The following CABYR variants were observed in gnomAD, a reference collection of about 807,000 sequenced individuals.
CABYR encodes the protein calcium binding tyrosine phosphorylation regulated.
A neutral mutation model predicts 36.1 loss-of-function variants in CABYR; 31 were observed. The ratio of observed to expected loss-of-function variants is 0.86; its 90% CI spans 0.64 to 1.16. CABYR has a LOEUF of 1.16. Ranked by LOEUF, CABYR falls within the 50% of genes most tolerant of loss-of-function variation. The probability of loss-of-function intolerance (pLI) is 0.00; values close to 1 mark genes in which losing one functional copy is unlikely to be tolerated. For missense variants in CABYR, 429 were observed against 455.8 expected (o/e 0.94, Z 0.53); for synonymous variants, 146 against 160.7 (o/e 0.91, Z 0.69).
Position 24,148,565 on chromosome 18 carries a change from T to C in CABYR, c.199+5152T>C, listed in dbSNP as rs1599379536. On this transcript the variant is annotated intron_variant, in intron 3 of 5. Coordinates refer to ENST00000399496, the MANE Select transcript of CABYR (RefSeq NM_153769.3). ...GGAATTGGTGGGTTCTTGGTCTCAC[T>C]GACTTTAAGAATGAAGCCGCGGACC... 3 of 160,464 alleles carry C rather than the reference T, an allele frequency of 1.9e-5. No homozygotes were observed. In the East Asian group the frequency reaches 5.4e-4, roughly 29 times the overall value. The allele number at this position is 160,464 out of a possible 1,614,324, so 9.9% of individuals were successfully genotyped here. A position where few individuals can be genotyped will look rare whatever the true frequency, so the allele number is the denominator to read the frequency against.
At chr18:24,160,140 C>A in intron 5 of CABYR, 71 bp downstream of exon 5, 1 of 1,056,452 alleles carries the variant, frequency 9.5e-7, no homozygotes, top group Non-Finnish European at 1.4e-6. Flanking sequence ...GATTTCTTGA[C>A]CTGGAGATTT....
At position 24,159,459 on chromosome 18, in the gene CABYR, T is replaced by C; in HGVS notation, c.542-13T>C. On this transcript the variant is annotated splice_polypyrimidine_tract_variant and intron_variant, in intron 4 of 5. Coordinates refer to ENST00000399496, the MANE Select transcript of CABYR (RefSeq NM_153769.3). ...GACCAAAACTTTAATTCCTGCAAAATTTTTTTTTATAGCAATGGCAACAAG... is the reference window on the plus strand; with the variant it reads ...GACCAAAACTTTAATTCCTGCAAAACTTTTTTTTATAGCAATGGCAACAAG... 1 of 1,538,804 alleles carries C rather than the reference T, an allele frequency of 6.5e-7. No homozygotes were observed. Among genetic ancestry groups the C allele is most frequent in the Admixed American group, 1.8e-5 (1 of 56,206 alleles).
chr18:24,141,602 C>CA (rs2085323204), intron 1 of CABYR, among the ~76,000 whole-genome samples: 1 of 152,324 alleles, frequency 6.6e-6, no homozygotes, highest in East Asian at 1.9e-4. Flanking sequence ...GGAGCTATGG[C>CA]ATGCATTGGA....
chr18:24,139,793 G>C (rs77524548), intron 1 of CABYR: 11,560 of 152,282 alleles, frequency 0.076, 1,010 homozygotes, highest in African/African-American at 0.22. Context: ...CGTTCCCAAA[G>C]TCGGGGTGAG....
In CABYR at chr18:24,155,773, T is replaced by C; in HGVS notation, c.272T>C (p.Val91Ala). The change falls in exon 4 of 6, where the codon GTA becomes GCA. Residue 91 changes from valine (V) to alanine (A), a missense_variant. By Grantham distance (64) the Val-to-Ala change is moderately conservative. Transcript: ENST00000399496. ...ECLKEPGKTS[V>A]ESKVPTQMEK... ...TTAAAAGAACCAGGAAAAACATCTG[T>C]AGAATCTAAAGTACCTACCCAGATG... 6.2e-7 allele frequency: 1 copy of C among 1,614,024 alleles called. No individual in the cohort carries two copies. The highest frequency in any genetic ancestry group is 1.1e-5 in the South Asian group (1 of 91,068).
intron 3 of CABYR, among the ~76,000 whole-genome samples, chr18:24,143,705 T>C (rs1339738726): frequency 1.3e-5 from 2 of 152,046 alleles, no homozygotes; most frequent in African/African-American, 4.8e-5. Context: ...ACTAATTTTT[T>C]ATAAATTTTT....
At chr18:24,150,938 C>T (rs1011079507) in intron 3 of CABYR, among the ~76,000 whole-genome samples, 2 of 152,042 alleles carry the variant, frequency 1.3e-5, no homozygotes, top group East Asian at 1.9e-4. Context: ...CGCCACCACG[C>T]CCGGCTAATT....
chr18:24,148,974 G>A (rs1357460743), intron 3 of CABYR, among the ~76,000 whole-genome samples: 1 of 152,164 alleles, frequency 6.6e-6, no homozygotes, highest in Non-Finnish European at 1.5e-5. Context: ...TGCTTTTATT[G>A]TCTTATCTGG....
chr18:24,145,222 C>T (rs772706863), intron 3 of CABYR, among the ~76,000 whole-genome samples: 1 of 152,150 alleles, frequency 6.6e-6, no homozygotes, highest in Non-Finnish European at 1.5e-5. Context: ...TTTCCAGATG[C>T]TGTGCTAGGT....
At chr18:24,156,823 T>C (rs760511204) in intron 4 of CABYR, 5 of 1,613,944 alleles carry the variant, frequency 3.1e-6, no homozygotes, top group Non-Finnish European at 2.5e-6. Flanking sequence ...GAAAACTCTG[T>C]ACCCCAGGAG....
intron 3 of CABYR, among the ~76,000 whole-genome samples, chr18:24,153,711 T>C (rs966330051): frequency 1.3e-5 from 2 of 152,164 alleles, no homozygotes; most frequent in Non-Finnish European, 2.9e-5. Context: ...TTTTGTGGCT[T>C]ATCTATCTGG....
Position 24,155,833 on chromosome 18 carries a change from C to G in CABYR, c.332C>G (p.Thr111Ser), listed in dbSNP as rs759360941. Residue 111 changes from threonine (T) to serine (S), a missense_variant, in exon 4 of 6, where the codon ACC (threonine) becomes AGC (serine). Thr to Ser is a moderately conservative substitution (Grantham distance 58). Coordinates refer to ENST00000399496, the MANE Select transcript of CABYR (RefSeq NM_153769.3). ...KSTDTDEDNV[T>S]RTEYSDKTTQ... ...ACAGACACAGACGAGGACAATGTAACCAGAACAGAATATAGTGACAAAACC... is the reference window on the plus strand; with the variant it reads ...ACAGACACAGACGAGGACAATGTAAGCAGAACAGAATATAGTGACAAAACC... The G allele has an allele frequency of 6.2e-7, 1 of 1,614,138 alleles. No individual in the cohort carries two copies. Among genetic ancestry groups the G allele is most frequent in the South Asian group, 1.1e-5 (1 of 91,074 alleles).
At chr18:24,161,093 G>T (rs888075524) in intron 5 of CABYR, among the ~76,000 whole-genome samples, 4 of 152,186 alleles carry the variant, frequency 2.6e-5, no homozygotes, top group East Asian at 3.8e-4. Context: ...TAGCAGTAAG[G>T]GGGAGGTCAA....
chr18:24,148,774 C>G (rs1041765000), intron 3 of CABYR: 3 of 149,822 alleles, frequency 2.0e-5, no homozygotes, highest in African/African-American at 7.3e-5. Flanking sequence ...GTTTGTTCCT[C>G]CCGGTGGGCT....
At chr18:24,157,826 T>C (rs2145884533) in intron 4 of CABYR, among the ~76,000 whole-genome samples, 1 of 152,332 alleles carries the variant, frequency 6.6e-6, no homozygotes, top group Middle Eastern at 3.4e-3. Context: ...GCCTTATGGA[T>C]AATTGCAGGG....
intron 3 of CABYR, among the ~76,000 whole-genome samples, chr18:24,153,650 C>G (rs1233139672): frequency 6.6e-6 from 1 of 152,086 alleles, no homozygotes; most frequent in Non-Finnish European, 1.5e-5. Flanking sequence ...TACTTGATTA[C>G]TTGGTTACCT....
intron 3 of CABYR, among the ~76,000 whole-genome samples, chr18:24,150,992 G>T (rs1167937991): frequency 6.6e-6 from 1 of 152,024 alleles, no homozygotes; most frequent in Non-Finnish European, 1.5e-5. Context: ...TGTTAGCCAG[G>T]ATGGCCCACC....
chr18:24,158,206 C>T (rs758788648), intron 4 of CABYR, among the ~76,000 whole-genome samples: 3 of 152,024 alleles, frequency 2.0e-5, no homozygotes, highest in Admixed American at 1.3e-4. Flanking sequence ...CCCTGTGAGA[C>T]AGCTGAAGAC....
At chr18:24,144,023 G>A (rs192440872) in intron 3 of CABYR, among the ~76,000 whole-genome samples, 1 of 151,788 alleles carries the variant, frequency 6.6e-6, no homozygotes, top group Non-Finnish European at 1.5e-5. Context: ...TCAGCCTCCC[G>A]AGTAGTTGGG....
Sources: allele counts gnomAD v4.1 joint callset (sites outside exome capture counted in the v4.1 genomes callset), GRCh38; gene constraint gnomAD v4.1.1; transcripts MANE v1.5; gene names NCBI Gene and HGNC (gene_info 2026-07-23, HGNC 2026-07-21).